The following CRTC1 variants were observed in gnomAD, a reference collection of about 807,000 sequenced individuals.
CRTC1 encodes CREB regulated transcription coactivator 1, also known as CREB-regulated transcription coactivator 1.
A neutral mutation model predicts 66.1 loss-of-function variants in CRTC1; 18 were observed. The ratio of observed to expected loss-of-function variants is 0.27; its 90% CI spans 0.19 to 0.40. The LOEUF (loss-of-function observed/expected upper bound fraction) is 0.40, where lower values mean the gene tolerates loss of function less well. CRTC1 is among the 10% of genes least tolerant of loss of function. CRTC1 has a pLI of 1.00. For missense variants in CRTC1, 669 were observed against 887.9 expected, an observed-to-expected ratio of 0.75 and a Z score of 3.13; for synonymous variants, 416 against 398.8, an observed-to-expected ratio of 1.04 and a Z score of -0.51.
At chr19:18,689,322 C>T (rs1272998800) in intron 1 of CRTC1, among the ~76,000 whole-genome samples, 3 of 151,276 alleles carry the variant, frequency 2.0e-5, no homozygotes, top group African/African-American at 7.3e-5. Context: ...CACAGTGAGG[C>T]GAATCCTGCA....
intron 1 of CRTC1, among the ~76,000 whole-genome samples, chr19:18,717,513 G>A (rs755717416): frequency 1.3e-5 from 2 of 152,116 alleles, no homozygotes; most frequent in Admixed American, 6.5e-5. Flanking sequence ...CCTCAGAAGG[G>A]TCGTAGTGCT....
At chr19:18,733,389 C>T (rs989502290) in intron 1 of CRTC1, among the ~76,000 whole-genome samples, 6 of 152,218 alleles carry the variant, frequency 3.9e-5, no homozygotes, top group Non-Finnish European at 8.8e-5. Flanking sequence ...AGAAACAAAA[C>T]GTGCTCACGG....
At chr19:18,718,448 C>T (rs1367706709) in intron 1 of CRTC1, among the ~76,000 whole-genome samples, 1 of 152,106 alleles carries the variant, frequency 6.6e-6, no homozygotes, top group Non-Finnish European at 1.5e-5. Flanking sequence ...TCCAACCTCC[C>T]ACCTCTGCCT....
In CRTC1 at chr19:18,768,702, C is replaced by T. The variant is rs146555615; in HGVS notation, c.1229C>T (p.Pro410Leu). 1.0e-5 allele frequency: 16 copies of T among 1,587,072 alleles called. No homozygotes were observed. Among genetic ancestry groups the T allele is most frequent in the Middle Eastern group, 1.8e-4 (1 of 5,432 alleles). ...PSASLTRGPQ[P>L]PPLAVTVPSS... ...GCCAGCCTGACTCGTGGGCCACAGC[C>T]GCCCCCGCTTGCAGTCACGGTACCG... is the stretch of plus-strand genomic sequence containing the variant. The change falls in exon 10 of 14, where the codon CCG (proline) becomes CTG (leucine). Residue 410 changes from proline (P) to leucine (L), a missense_variant. By Grantham distance (98) the Pro-to-Leu change is moderately conservative (BLOSUM62 -3). Around this residue, in one of 8 missense-constraint regions of CRTC1, gnomAD observed 241 missense variants for 242.2 expected, o/e 0.99. Coordinates refer to ENST00000321949, the MANE Select transcript of CRTC1 (RefSeq NM_015321.3). The surrounding 1 kb of genome is among the most constrained non-coding windows in gnomAD (Gnocchi z 5.6).
intron 6 of CRTC1, among the ~76,000 whole-genome samples, chr19:18,757,025 C>T (rs1489168218): frequency 3.3e-5 from 5 of 152,242 alleles, no homozygotes; most frequent in Admixed American, 3.3e-4. Flanking sequence ...CCCTCGGGCA[C>T]CCCAGTGGCT....
intron 4 of CRTC1, among the ~76,000 whole-genome samples, chr19:18,749,260 C>T (rs2054311971): frequency 6.6e-6 from 1 of 152,220 alleles, no homozygotes; most frequent in Non-Finnish European, 1.5e-5. Context: ...GGGGCCTTCT[C>T]CTAGCCCATT....
At chr19:18,772,604 G>A (rs900873900) in intron 11 of CRTC1, among the ~76,000 whole-genome samples, 3 of 152,178 alleles carry the variant, frequency 2.0e-5, no homozygotes, top group Non-Finnish European at 2.9e-5. Context: ...AACCGTGAGC[G>A]CCACAGACAA....
At chr19:18,711,099 G>A (rs2145581984) in intron 1 of CRTC1, among the ~76,000 whole-genome samples, 1 of 152,350 alleles carries the variant, frequency 6.6e-6, no homozygotes, top group African/African-American at 2.4e-5. Context: ...TTTCCTTGGG[G>A]TTTTGGCTCA....
Position 18,774,984 on chromosome 19 carries a change from C to T in CRTC1, c.1510C>T (p.Gln504Ter), listed in dbSNP as rs1175030531. 6.2e-7 allele frequency: 1 copy of T among 1,604,334 alleles called. No individual in the cohort carries two copies. The highest frequency in any genetic ancestry group is 8.5e-7 in the Non-Finnish European group (1 of 1,179,866). ...CAGGCAGGCCAATGCTCTGTCCCACCAGGTGAGCGGGCGCCCAGGCTGCCA... is the reference window on the plus strand; with the variant it reads ...CAGGCAGGCCAATGCTCTGTCCCACTAGGTGAGCGGGCGCCCAGGCTGCCA... ...AARQANALSH[Q>*]LEQFNMMENA... is the part of the protein sequence containing the mutation. The change falls in exon 12 of 14, where the codon CAG becomes TAG. Residue 504 changes from glutamine (Q) to a stop codon, truncating the protein, a stop_gained and splice_region_variant. Transcript: ENST00000321949. LOFTEE classifies it high-confidence loss of function.
At chr19:18,765,353 C>G (rs771511217) in intron 8 of CRTC1, 51 bp from the exon 9 acceptor site, 2 of 1,569,970 alleles carry the variant, frequency 1.3e-6, no homozygotes, top group African/African-American at 1.3e-5. Flanking sequence ...GCAGCCCTTT[C>G]TCAGTGATCA....
At chr19:18,716,988 G>A (rs2053522808) in intron 1 of CRTC1, among the ~76,000 whole-genome samples, 1 of 152,108 alleles carries the variant, frequency 6.6e-6, no homozygotes, top group South Asian at 2.1e-4. Context: ...AGGAGTGCAG[G>A]CAGGACAGGA....
chr19:18,769,854 G>C (rs982086007), intron 10 of CRTC1, among the ~76,000 whole-genome samples: 2 of 152,132 alleles, frequency 1.3e-5, no homozygotes, highest in Admixed American at 1.3e-4. Context: ...CTGGGGTTGA[G>C]GGGGGACTCT....
At chr19:18,719,015 G>A (rs1346571935) in intron 1 of CRTC1, among the ~76,000 whole-genome samples, 1 of 152,192 alleles carries the variant, frequency 6.6e-6, no homozygotes. Context: ...AGGCCTGGGA[G>A]GAGGTCACGT....
At position 18,782,179 on chromosome 19, in the gene CRTC1, C is replaced by G. The variant is rs1028512026; in HGVS notation, c.*4797C>G. The G allele has an allele frequency of 8.7e-6, 2 of 229,420 alleles. No homozygotes were observed. Among genetic ancestry groups the G allele is most frequent in the Admixed American group, 5.4e-5 (1 of 18,470 alleles). 14.2% of individuals were successfully genotyped at this position (229,420 alleles called of 1,614,324 possible). A position where few individuals can be genotyped will look rare whatever the true frequency, so the allele number is the denominator to read the frequency against. On this transcript the variant is annotated 3_prime_UTR_variant, in exon 14 of 14. Coordinates refer to ENST00000321949, the MANE Select transcript of CRTC1 (RefSeq NM_015321.3). Reference sequence around the variant, plus strand: ...CATGTATACTCTGCCACGGACGTCCCGTGGGCCATGATTGTGGGCGGCCGC... The same window carrying G: ...CATGTATACTCTGCCACGGACGTCCGGTGGGCCATGATTGTGGGCGGCCGC...
At chr19:18,766,124 CTT>C (rs869180739) in intron 9 of CRTC1, among the ~76,000 whole-genome samples, 28 of 138,994 alleles carry the variant, frequency 2.0e-4, no homozygotes, top group Non-Finnish European at 1.9e-4. Flanking sequence ...TTTTGTAATC[CTT>C]TTTTTTTTTT....
At chr19:18,746,445 C>T (rs1054590055) in intron 3 of CRTC1, among the ~76,000 whole-genome samples, 1 of 152,118 alleles carries the variant, frequency 6.6e-6, no homozygotes, top group Non-Finnish European at 1.5e-5. Context: ...AAATTCGCCT[C>T]TGCGACTCGG....
At chr19:18,737,739 G>GCTCCTCCTC (rs760680059) in intron 1 of CRTC1, among the ~76,000 whole-genome samples, 1 of 149,732 alleles carries the variant, frequency 6.7e-6, no homozygotes, top group African/African-American at 2.5e-5. Flanking sequence ...TCCTGCTGCT[G>GCTCCTCCTC]CTCCTCCTCC....
intron 1 of CRTC1, among the ~76,000 whole-genome samples, chr19:18,725,033 C>G (rs1471300636): frequency 6.6e-6 from 1 of 152,046 alleles, no homozygotes; most frequent in South Asian, 2.1e-4. Flanking sequence ...TGGTCCGTCC[C>G]TTGGACCCGC....
chr19:18,695,789 CG>C (rs1378883702), intron 1 of CRTC1, among the ~76,000 whole-genome samples: 1 of 152,082 alleles, frequency 6.6e-6, no homozygotes, highest in Non-Finnish European at 1.5e-5. Flanking sequence ...GGCGTGAACC[CG>C]GGAGGCAGAG....
Sources: allele counts gnomAD v4.1 joint callset (sites outside exome capture counted in the v4.1 genomes callset), GRCh38; gene constraint gnomAD v4.1.1; regional missense constraint gnomAD v4.1.1; non-coding constraint Gnocchi (gnomAD v3.1); transcripts MANE v1.5; gene names NCBI Gene and HGNC (gene_info 2026-07-23, HGNC 2026-07-21).